The following GLB1 variants were observed in gnomAD, a reference collection of about 807,000 sequenced individuals.
GLB1 encodes the protein beta-galactosidase.
In GLB1, 56 loss-of-function variants were observed where a neutral mutation model predicts 74.0. The ratio of observed to expected loss-of-function variants is 0.76; its 90% CI spans 0.61 to 0.94. GLB1 has a LOEUF of 0.94. Ranked by LOEUF, GLB1 falls within the 40% of genes least tolerant of loss-of-function variation. The probability of loss-of-function intolerance (pLI) is 0.00; values close to 1 mark genes in which losing one functional copy is unlikely to be tolerated. For synonymous variants in GLB1, 323 were observed against 323.6 expected, an observed-to-expected ratio of 1.00 and a Z score of 0.02; for missense variants, 787 against 845.5, an observed-to-expected ratio of 0.93 and a Z score of 0.86.
At chr3:32,969,692 T>C in the GLB1 span, among the ~76,000 whole-genome samples, 1 of 152,170 alleles carries the variant, frequency 6.6e-6, no homozygotes, top group South Asian at 2.1e-4. Context: ...AATTCTCCAG[T>C]GGGAGGCTAG....
At chr3:32,974,147 T>C in the GLB1 span, among the ~76,000 whole-genome samples, 1 of 152,196 alleles carries the variant, frequency 6.6e-6, no homozygotes, top group Non-Finnish European at 1.5e-5. Context: ...AACTGTGGTA[T>C]GCGCAAACCA....
At chr3:32,981,364 C>A in the GLB1 span, among the ~76,000 whole-genome samples, 1 of 135,924 alleles carries the variant, frequency 7.4e-6, no homozygotes, top group East Asian at 2.2e-4. Flanking sequence ...CGCACCATTG[C>A]ACTCCAGCCT....
chr3:33,096,986 C>G, intron 1 of GLB1, 25 bp downstream of exon 1: 1 of 1,609,726 alleles, frequency 6.2e-7, no homozygotes, highest in South Asian at 1.1e-5. Context: ...CAATGCCTCC[C>G]CGTACCCGGG....
intron 15 of GLB1, among the ~76,000 whole-genome samples, chr3:33,003,889 G>C (rs1575399746): frequency 1.3e-5 from 2 of 152,290 alleles, no homozygotes; most frequent in African/African-American, 2.4e-5. Context: ...AATCAGCCAG[G>C]TATGGTGGTG....
intron 9 of GLB1, among the ~76,000 whole-genome samples, chr3:33,048,945 A>G (rs532975587): frequency 9.8e-5 from 15 of 152,330 alleles, no homozygotes; most frequent in African/African-American, 3.1e-4. Flanking sequence ...GCAACAGAGG[A>G]AGAAAGGGGA....
intron 12 of GLB1, among the ~76,000 whole-genome samples, chr3:33,019,208 A>T (rs1453493043): frequency 6.6e-6 from 1 of 152,220 alleles, no homozygotes; most frequent in Non-Finnish European, 1.5e-5. Flanking sequence ...GGAAAGAAAC[A>T]GTTAAGAGAC....
At chr3:32,994,980 CAG>C (rs1310531495), downstream of GLB1, among the ~76,000 whole-genome samples, 1 of 150,988 alleles carries the variant, frequency 6.6e-6, no homozygotes, top group Non-Finnish European at 1.5e-5. Context: ...TAAGGGGTGG[CAG>C]AGTGCTGTAG....
intron 10 of GLB1, among the ~76,000 whole-genome samples, chr3:33,035,062 A>G (rs1478645112): frequency 6.6e-6 from 1 of 152,148 alleles, no homozygotes; most frequent in Non-Finnish European, 1.5e-5. Context: ...TTGCTTATTA[A>G]AAAAATAAAC....
rs748796101 is a variant in GLB1 at position 33,093,454 on chromosome 3, A to G, written c.75+3557T>C. On this transcript the variant is annotated intron_variant, in intron 1 of 15. Transcript: ENST00000307363. The surrounding 1 kb of genome is among the most constrained non-coding windows in gnomAD (Gnocchi z 6.0). ...CGCAGGACCGAGGCTTCTGAGTCGG[A>G]GAGGTCACCCACAATCACCGTGATG... 6.2e-7 allele frequency: 1 copy of G among 1,614,042 alleles called. No individual in the cohort carries two copies. Among genetic ancestry groups the G allele is most frequent in the South Asian group, 1.1e-5 (1 of 91,074 alleles).
At chr3:33,058,026 A>G in intron 6 of GLB1, 63 bp downstream of exon 6, 1 of 1,597,598 alleles carries the variant, frequency 6.3e-7, no homozygotes, top group Non-Finnish European at 8.6e-7. Flanking sequence ...ACAGCTGCCC[A>G]GAGCAACTGA....
intron 1 of GLB1, among the ~76,000 whole-genome samples, chr3:33,079,483 T>C (rs1353687405): frequency 1.3e-5 from 2 of 152,184 alleles, no homozygotes; most frequent in African/African-American, 2.4e-5. Context: ...ATAAGATGAA[T>C]TGATAGATGG....
the GLB1 span, among the ~76,000 whole-genome samples, chr3:32,990,512 C>T: frequency 2.0e-5 from 3 of 152,122 alleles, no homozygotes; most frequent in East Asian, 5.8e-4. Flanking sequence ...AAAACAAACC[C>T]ACCTACTAAA....
chr3:32,972,393 CA>C, the GLB1 span, among the ~76,000 whole-genome samples: 1 of 152,140 alleles, frequency 6.6e-6, no homozygotes, highest in Non-Finnish European at 1.5e-5. Context: ...TCATGGAAAT[CA>C]CAGCTAGAAT....
chr3:32,972,541 A>G, the GLB1 span, among the ~76,000 whole-genome samples: 7 of 152,214 alleles, frequency 4.6e-5, 1 homozygote, highest in East Asian at 1.4e-3. Flanking sequence ...CATCTCCTTC[A>G]TCCTCCCTTG....
chr3:33,050,059 A>G (rs1278583746), intron 9 of GLB1, among the ~76,000 whole-genome samples: 1 of 152,198 alleles, frequency 6.6e-6, no homozygotes, highest in Non-Finnish European at 1.5e-5. Flanking sequence ...CAGAGAGAAA[A>G]ATGCAAATAA....
At chr3:32,977,853 T>C in the GLB1 span, among the ~76,000 whole-genome samples, 1 of 152,310 alleles carries the variant, frequency 6.6e-6, no homozygotes, top group South Asian at 2.1e-4. Flanking sequence ...GAGTTTACTA[T>C]CTGTTCTATT....
At chr3:32,989,513 G>T in the GLB1 span, among the ~76,000 whole-genome samples, 4 of 152,158 alleles carry the variant, frequency 2.6e-5, no homozygotes, top group African/African-American at 9.7e-5. Context: ...CAGTGTGGAG[G>T]ATTGCTTGCT....
At chr3:33,064,166 C>CG (rs1407946177) in intron 5 of GLB1, among the ~76,000 whole-genome samples, 1 of 152,144 alleles carries the variant, frequency 6.6e-6, no homozygotes, top group Non-Finnish European at 1.5e-5. Context: ...TAGCTGGGCA[C>CG]GGTGGCTCAC....
At position 32,996,630 on chromosome 3, in the gene GLB1, CAA is replaced by C. The variant is rs1696316728; in HGVS notation, c.*413_*414del. On this transcript the variant is annotated 3_prime_UTR_variant, in exon 16 of 16. Transcript: ENST00000307363. ...GACTATTTTCCATCCTTTTGAACTTCAAGTTAGTGAAGTGGTTTATTCAGCCC... is the reference window on the plus strand; with the variant it reads ...GACTATTTTCCATCCTTTTGAACTTCGTTAGTGAAGTGGTTTATTCAGCCC... 1 of 248,662 alleles carries C rather than the reference CAA, an allele frequency of 4.0e-6. No individual in the cohort carries two copies. Among genetic ancestry groups the C allele is most frequent in the African/African-American group, 2.2e-5 (1 of 44,550 alleles). The allele number at this position is 248,662 out of a possible 1,614,324, so 15.4% of individuals were successfully genotyped here.
Sources: gnomAD v4.1 joint callset for allele counts (sites outside exome capture counted in the v4.1 genomes callset) on GRCh38, gnomAD v4.1.1 for gene constraint, Gnocchi (gnomAD v3.1) non-coding constraint, MANE v1.5 for transcripts, NCBI Gene and HGNC (gene_info 2026-07-23, HGNC 2026-07-21) for gene names.